IQSEC3: variants seen among roughly 807,000 people sequenced by gnomAD.
IQSEC3 encodes the protein IQ motif and SEC7 domain-containing protein 3.
In IQSEC3, 50 loss-of-function variants were observed where a neutral mutation model predicts 105.4. The ratio of observed to expected loss-of-function variants is 0.47; its 90% CI spans 0.38 to 0.60. The LOEUF (loss-of-function observed/expected upper bound fraction) is 0.60. Among genes scored for constraint, IQSEC3 ranks in the 20% least tolerant of loss-of-function variants. The probability of loss-of-function intolerance (pLI) is 0.00; values close to 1 mark genes in which losing one functional copy is unlikely to be tolerated. For missense variants in IQSEC3, 1,415 were observed against 1,630.0 expected (o/e 0.87, Z 2.27); for synonymous variants, 708 against 746.0 (o/e 0.95, Z 0.83).
intron 13 of IQSEC3, among the ~76,000 whole-genome samples, chr12:171,959 C>CAGGT (rs1178388926): frequency 2.6e-5 from 4 of 152,072 alleles, no homozygotes; most frequent in Admixed American, 1.3e-4. Flanking sequence ...GAGGAGTGTG[C>CAGGT]AGGTGCCCCT....
intron 1 of IQSEC3, among the ~76,000 whole-genome samples, chr12:68,707 C>T (rs1863193271): frequency 6.6e-6 from 1 of 152,250 alleles, no homozygotes; most frequent in Non-Finnish European, 1.5e-5. Context: ...CATCTTCATC[C>T]AGGTGCATTA....
At chr12:85,699 G>A (rs551585012) in intron 1 of IQSEC3, among the ~76,000 whole-genome samples, 80 of 152,296 alleles carry the variant, frequency 5.3e-4, no homozygotes, top group African/African-American at 1.8e-3. Flanking sequence ...CCTGTTCTGA[G>A]TTAAGCTCCC....
chr12:85,782 G>A (rs1453672291), intron 1 of IQSEC3, among the ~76,000 whole-genome samples: 2 of 152,196 alleles, frequency 1.3e-5, no homozygotes, highest in African/African-American at 4.8e-5. Context: ...CTCCTCATCT[G>A]TAAAATGAGG....
At chr12:107,975 C>T (rs1555078503) in intron 2 of IQSEC3, among the ~76,000 whole-genome samples, 2 of 152,206 alleles carry the variant, frequency 1.3e-5, no homozygotes, top group Non-Finnish European at 1.5e-5. Context: ...AGCTCTTCCT[C>T]CTCCTCTTCA....
intron 6 of IQSEC3, 53 bp from the exon 7 acceptor site, chr12:157,475 G>C: frequency 6.6e-7 from 1 of 1,515,086 alleles, no homozygotes; most frequent in Non-Finnish European, 8.8e-7. Flanking sequence ...TGTTGGGCCC[G>C]GGGGAGGGTG....
intron 3 of IQSEC3, among the ~76,000 whole-genome samples, chr12:128,832 T>G (rs1865499633): frequency 6.6e-6 from 1 of 152,162 alleles, no homozygotes; most frequent in Non-Finnish European, 1.5e-5. Flanking sequence ...CTTCCTAAAG[T>G]GCACCTCTGA....
Position 125,737 on chromosome 12 carries a change from C to T in IQSEC3, c.728C>T (p.Ala243Val). The T allele has an allele frequency of 6.6e-7, 1 of 1,525,074 alleles. No homozygotes were observed. The highest frequency in any genetic ancestry group is 8.7e-7 in the Non-Finnish European group (1 of 1,145,016). 94.5% of individuals were successfully genotyped at this position (1,525,074 alleles called of 1,614,324 possible). A position where few individuals can be genotyped will look rare whatever the true frequency, so the allele number is the denominator to read the frequency against. ...AGTGCCCATGCCCCGAAGGCTCAAG[C>T]CCAGGAGCTGCAGGAGGAGGAGGAG... ...RPSAHAPKAQ[A>V]QELQEEEERP... The change falls in exon 3 of 14, where the codon GCC (alanine) becomes GTC (valine). Residue 243 changes from alanine (A) to valine (V), a missense_variant. Ala to Val is a moderately conservative substitution (Grantham distance 64). Coordinates refer to ENST00000538872, the MANE Select transcript of IQSEC3 (RefSeq NM_001170738.2).
Position 174,693 on chromosome 12 carries a change from GC to G in IQSEC3, c.3215del (p.Pro1072ArgfsTer43). 6.3e-7 allele frequency: 1 copy of G among 1,592,788 alleles called. No homozygotes were observed. The highest frequency in any genetic ancestry group is 8.5e-7 in the Non-Finnish European group (1 of 1,177,446). ...GTGCCGCCGCCAGACCTGCAGCCTAGCCCCCCGAGACAGCAGACCCCACCAC... is the reference window on the plus strand; with the variant it reads ...GTGCCGCCGCCAGACCTGCAGCCTAGCCCCCGAGACAGCAGACCCCACCAC... ...APVPPPDLQP[S>X]PPRQQTPPLP... On this transcript the variant is annotated frameshift_variant, in exon 14 of 14. Coordinates refer to ENST00000538872, the MANE Select transcript of IQSEC3 (RefSeq NM_001170738.2). LOFTEE classifies it high-confidence loss of function.
chr12:163,240 CCCT>C (rs1334459022), intron 8 of IQSEC3, among the ~76,000 whole-genome samples: 851 of 44,376 alleles, frequency 0.019, 38 homozygotes, highest in East Asian at 0.031. Flanking sequence ...CCCTCCCCTC[CCCT>C]CCCTCCACAG....
intron 2 of IQSEC3, among the ~76,000 whole-genome samples, chr12:124,522 G>T (rs531628030): frequency 1.9e-4 from 29 of 152,322 alleles, no homozygotes; most frequent in African/African-American, 7.0e-4. Flanking sequence ...ACCTCCTAAG[G>T]TAGGAATTAG....
Position 175,026 on chromosome 12 carries a change from T to C in IQSEC3, c.3542T>C (p.Leu1181Pro), listed in dbSNP as rs1939196293. Residue 1181 changes from leucine (L) to proline (P), a missense_variant, in exon 14 of 14, where the codon CTG (leucine) becomes CCG (proline). Coordinates refer to ENST00000538872, the MANE Select transcript of IQSEC3 (RefSeq NM_001170738.2). ...GHRYSSGSRS[L>P]V ...CGCTACTCCAGTGGCTCAAGGAGCC[T>C]GGTGTAGACTCTGCCCCACCACCCT... The C allele has an allele frequency of 1.3e-6, 2 of 1,525,808 alleles. No homozygotes were observed. The highest frequency in any genetic ancestry group is 1.7e-6 in the Non-Finnish European group (2 of 1,143,158). 94.5% of individuals were successfully genotyped at this position (1,525,808 alleles called of 1,614,324 possible).
chr12:69,732 C>G (rs1406343464), intron 1 of IQSEC3, among the ~76,000 whole-genome samples: 5 of 152,272 alleles, frequency 3.3e-5, no homozygotes, highest in African/African-American at 1.2e-4. Context: ...CCACTCATTT[C>G]TTTCCCCACA....
chr12:141,077 A>G (rs782013524), intron 4 of IQSEC3, 47 bp from the exon 5 acceptor site: 3 of 1,532,684 alleles, frequency 2.0e-6, no homozygotes, highest in Non-Finnish European at 2.7e-6. Context: ...AGAGTCATGG[A>G]TGGCTTCAGC....
chr12:129,482 G>A (rs61459653), intron 3 of IQSEC3, among the ~76,000 whole-genome samples: 14,368 of 152,070 alleles, frequency 0.094, 720 homozygotes, highest in East Asian at 0.12. Context: ...CGGTCCTCCT[G>A]CCAGCTCTTC....
intron 1 of IQSEC3, among the ~76,000 whole-genome samples, chr12:82,603 A>C (rs1555070977): frequency 6.6e-6 from 1 of 152,328 alleles, no homozygotes; most frequent in Admixed American, 6.5e-5. Flanking sequence ...GAATGACTAC[A>C]TCACTCCTGG....
intron 7 of IQSEC3, among the ~76,000 whole-genome samples, chr12:161,667 C>T (rs2270796): frequency 0.014 from 2,106 of 152,092 alleles, 137 homozygotes; most frequent in Admixed American, 0.12. Flanking sequence ...GGGAGGTGGG[C>T]GTGAAGACTC....
intron 8 of IQSEC3, among the ~76,000 whole-genome samples, chr12:163,180 CCT>C: frequency 8.1e-6 from 1 of 123,948 alleles, no homozygotes; most frequent in Non-Finnish European, 1.8e-5. Flanking sequence ...CCTCCCCTCT[CCT>C]CCCTCCACAG....
chr12:125,408 T>C (rs1865354676), intron 2 of IQSEC3, among the ~76,000 whole-genome samples: 1 of 152,128 alleles, frequency 6.6e-6, no homozygotes, highest in African/African-American at 2.4e-5. Context: ...TAGCTGCCCC[T>C]TCCCTCTGTC....
chr12:91,341 C>G (rs1166029348), intron 1 of IQSEC3, among the ~76,000 whole-genome samples: 1 of 152,178 alleles, frequency 6.6e-6, no homozygotes, highest in African/African-American at 2.4e-5. Flanking sequence ...AGCGCACAGC[C>G]TCCTGTAATC....
Sources: gnomAD v4.1 joint callset for allele counts (sites outside exome capture counted in the v4.1 genomes callset) on GRCh38, gnomAD v4.1.1 for gene constraint, MANE v1.5 for transcripts, NCBI Gene and HGNC (gene_info 2026-07-23, HGNC 2026-07-21) for gene names.